LINS1: variants seen among roughly 807,000 people sequenced by gnomAD.
LINS1 encodes lines homolog 1.
Under a neutral mutation model 41.6 loss-of-function variants are expected in LINS1, and 27 were observed. That is an observed-to-expected ratio of 0.65 (90% CI 0.48 to 0.89). The LOEUF (loss-of-function observed/expected upper bound fraction) is 0.89. LINS1 is among the 40% of genes least tolerant of loss of function. LINS1 has a pLI of 0.00. For missense variants in LINS1, 955 were observed against 884.1 expected (o/e 1.08, Z -1.02); for synonymous variants, 336 against 312.9 (o/e 1.07, Z -0.78).
At chr15:100,571,850 C>T (rs762704597) in intron 6 of LINS1, 44 bp downstream of exon 6, 4 of 1,607,194 alleles carry the variant, frequency 2.5e-6, no homozygotes, top group East Asian at 2.2e-5. Context: ...TTTCTGCTTT[C>T]CTGACTTGTA....
intron 1 of LINS1, among the ~76,000 whole-genome samples, chr15:100,588,989 C>A (rs112283314): frequency 6.6e-6 from 1 of 152,108 alleles, no homozygotes; most frequent in African/African-American, 2.4e-5. Context: ...AGGTAGGGCC[C>A]GGGACACATG....
intron 1 of LINS1, among the ~76,000 whole-genome samples, chr15:100,582,528 T>C (rs2038599424): frequency 7.0e-6 from 1 of 143,548 alleles, no homozygotes; most frequent in African/African-American, 2.6e-5. Flanking sequence ...AGTCTTGGTC[T>C]TACACTGGGT....
rs763921494 is a variant in LINS1, at chr15:100,574,019, T to G, written c.854A>C (p.Glu285Ala). ...AGCCTGAATAGGCCAGGTAATAACT[T>G]CTAGCATGCAAGATGGTTTCAAAAA... ...ILFLKPSCML[E>A]VITWPIQAFV... is the part of the protein sequence containing the mutation. Residue 285 changes from glutamate (E) to alanine (A), a missense_variant, in exon 5 of 7, where the codon GAA (glutamate) becomes GCA (alanine). Physicochemically the swap from Glu to Ala is moderately radical, Grantham distance 107. Transcript: ENST00000314742. 1.1e-5 allele frequency: 18 copies of G among 1,613,932 alleles called. No individual in the cohort carries two copies. The East Asian group carries it at 4.0e-4, about 36-fold the overall frequency.
chr15:100,592,512 C>T (rs77257734), intron 1 of LINS1, among the ~76,000 whole-genome samples: 6,948 of 152,068 alleles, frequency 0.046, 186 homozygotes, highest in Middle Eastern at 0.082. Context: ...AGTGAGCACT[C>T]CATCCTGTAG....
intron 1 of LINS1, chr15:100,586,242 CT>C (rs1265329194): frequency 6.6e-6 from 1 of 152,248 alleles, no homozygotes; most frequent in African/African-American, 2.4e-5. Flanking sequence ...TGGAAGCCCC[CT>C]CCCAGCTTAA....
Position 100,574,241 on chromosome 15 carries a change from T to C in LINS1, c.632A>G (p.Glu211Gly), listed in dbSNP as rs370259916. The change falls in exon 5 of 7, where the codon GAA becomes GGA. Residue 211 changes from glutamate to glycine, a missense_variant and splice_region_variant. Transcript: ENST00000314742. Reference sequence around the variant, plus strand: ...ATGAGTCAGGAACTGCTTTAGAATTTCTGCAATTATAAAAATAGGAATTAT... The same window carrying C: ...ATGAGTCAGGAACTGCTTTAGAATTCCTGCAATTATAAAAATAGGAATTAT... ...IFKDSCSQKT[E>G]ILKQFLTHFD... The C allele has an allele frequency of 6.4e-5, 100 of 1,554,730 alleles. No homozygotes were observed. The African/African-American group carries it at 1.3e-3, about 20-fold the overall frequency.
At position 100,569,045 on chromosome 15, in the gene LINS1, A is replaced by C. The variant is rs1596867997; in HGVS notation, c.*193T>G. 2 of 442,924 alleles carry C rather than the reference A, an allele frequency of 4.5e-6. No homozygotes were observed. Among genetic ancestry groups the C allele is most frequent in the Non-Finnish European group, 8.1e-6 (2 of 247,698 alleles). 27.4% of individuals were successfully genotyped at this position (442,924 alleles called of 1,614,324 possible). A position where few individuals can be genotyped will look rare whatever the true frequency, so the allele number is the denominator to read the frequency against. Reference sequence around the variant, plus strand: ...AGACTGAGGCAGGAGAATTGCTTGAACCCAGGAGGTGGAGGTTGCAGTGAG... The same window carrying C: ...AGACTGAGGCAGGAGAATTGCTTGACCCCAGGAGGTGGAGGTTGCAGTGAG... On this transcript the variant is annotated 3_prime_UTR_variant, in exon 7 of 7. Coordinates refer to ENST00000314742, the MANE Select transcript of LINS1 (RefSeq NM_001040616.3).
intron 1 of LINS1, among the ~76,000 whole-genome samples, chr15:100,596,685 C>T (rs1291884466): frequency 6.6e-6 from 1 of 152,128 alleles, no homozygotes; most frequent in African/African-American, 2.4e-5. Context: ...AAGCTGCAAG[C>T]ATAGATACAC....
At chr15:100,593,157 T>C (rs189086684) in intron 1 of LINS1, among the ~76,000 whole-genome samples, 35 of 152,230 alleles carry the variant, frequency 2.3e-4, no homozygotes, top group African/African-American at 7.5e-4. Context: ...TGACGGAGGG[T>C]GCACAGGATG....
chr15:100,579,486 TA>T (rs1567087316), intron 3 of LINS1, among the ~76,000 whole-genome samples: 1 of 150,934 alleles, frequency 6.6e-6, no homozygotes, highest in South Asian at 2.1e-4. Context: ...AAAAAGAAAA[TA>T]AAAATGAAAG....
intron 1 of LINS1, among the ~76,000 whole-genome samples, chr15:100,589,176 T>C (rs997995445): frequency 6.6e-6 from 1 of 152,206 alleles, no homozygotes; most frequent in Non-Finnish European, 1.5e-5. Context: ...CAGTTTTACA[T>C]GCAAGGTGTG....
chr15:100,573,721 T>G lies in LINS1; in HGVS notation c.1152A>C (p.Ala384=). 4 of 1,613,062 alleles carry G rather than the reference T, an allele frequency of 2.5e-6. No homozygotes were observed. Among genetic ancestry groups the G allele is most frequent in the Non-Finnish European group, 3.4e-6 (4 of 1,179,182 alleles). ...ITSPDHVILR[A]ASLVIMKSLE... is the part of the protein sequence containing the mutation. ...AGGATTTCATTATAACTAAGCTTGC[T>G]GCTCTAAGGATCACATGATCTGGAC... Residue 384 remains alanine (A), a synonymous_variant, in exon 5 of 7, where the codon GCA becomes GCC. Coordinates refer to ENST00000314742, the MANE Select transcript of LINS1 (RefSeq NM_001040616.3).
intron 3 of LINS1, among the ~76,000 whole-genome samples, chr15:100,578,105 T>C (rs972091853): frequency 4.6e-5 from 7 of 152,120 alleles, no homozygotes; most frequent in Admixed American, 1.3e-4. Context: ...ATTCAGGACA[T>C]AGGCATGGGC....
At chr15:100,573,627 T>C (rs1028723795) in intron 5 of LINS1, 24 bp downstream of exon 5, 2 of 1,387,702 alleles carry the variant, frequency 1.4e-6, no homozygotes, top group East Asian at 2.3e-5. Context: ...ACACACTGCA[T>C]ACAAAAGGAG....
At chr15:100,571,191 C>T (rs951191092) in intron 6 of LINS1, among the ~76,000 whole-genome samples, 11 of 152,120 alleles carry the variant, frequency 7.2e-5, no homozygotes, top group South Asian at 2.1e-4. Context: ...GGCGGCACAA[C>T]GCTGCACCAC....
In LINS1 at chr15:100,571,937, C is replaced by T. The variant is rs771788946; in HGVS notation, c.1351G>A (p.Glu451Lys). Reference sequence around the variant, plus strand: ...ATGCCCAGTGATGCCTTGGCAGCCTCCAGCATGTCATCGTCTTGTTCTATG... The same window carrying T: ...ATGCCCAGTGATGCCTTGGCAGCCTTCAGCATGTCATCGTCTTGTTCTATG... The part of the protein sequence containing the change: ...VFIEQDDDML[E>K]AAKASLGIYL... Residue 451 changes from glutamate to lysine, a missense_variant, in exon 6 of 7, where the codon GAG (glutamate) becomes AAG (lysine). Transcript: ENST00000314742. 11 of 1,614,094 alleles carry T rather than the reference C, an allele frequency of 6.8e-6. No individual in the cohort carries two copies. The South Asian group carries it at 1.2e-4, about 18-fold the overall frequency.
At chr15:100,575,359 G>A (rs1428852243) in intron 3 of LINS1, among the ~76,000 whole-genome samples, 1 of 151,948 alleles carries the variant, frequency 6.6e-6, no homozygotes, top group Non-Finnish European at 1.5e-5. Flanking sequence ...ACAAAAAAAG[G>A]CAGGGGTTGC....
chr15:100,577,581 G>A (rs1468234656), intron 3 of LINS1, among the ~76,000 whole-genome samples: 2 of 152,166 alleles, frequency 1.3e-5, no homozygotes, highest in Non-Finnish European at 2.9e-5. Flanking sequence ...TCAATATTGT[G>A]AAAATGGCCA....
At chr15:100,582,229 T>G (rs2038581609) in intron 1 of LINS1, among the ~76,000 whole-genome samples, 1 of 147,690 alleles carries the variant, frequency 6.8e-6, no homozygotes, top group Non-Finnish European at 1.5e-5. Flanking sequence ...AGTCTTGGTC[T>G]TACACTGGGT....
Sources: gnomAD v4.1 joint callset for allele counts (sites outside exome capture counted in the v4.1 genomes callset) on GRCh38, gnomAD v4.1.1 for gene constraint, MANE v1.5 for transcripts, NCBI Gene and HGNC (gene_info 2026-07-23, HGNC 2026-07-21) for gene names.